WDFY2: variants seen among roughly 807,000 people sequenced by gnomAD.
WDFY2 encodes the protein WD repeat and FYVE domain-containing protein 2.
WDFY2 carries 36 observed loss-of-function variants against 56.4 expected under a neutral mutation model. The ratio of observed to expected loss-of-function variants is 0.64; its 90% CI spans 0.49 to 0.84. WDFY2 has a LOEUF of 0.84. Among genes scored for constraint, WDFY2 ranks in the 40% least tolerant of loss-of-function variants. The probability of loss-of-function intolerance (pLI) is 0.00; values close to 1 mark genes in which losing one functional copy is unlikely to be tolerated. For missense variants in WDFY2, 444 were observed against 512.2 expected, an observed-to-expected ratio of 0.87 and a Z score of 1.29; for synonymous variants, 176 against 183.7, an observed-to-expected ratio of 0.96 and a Z score of 0.34.
intron 7 of WDFY2, among the ~76,000 whole-genome samples, chr13:51,740,676 T>C (rs1241521883): frequency 2.1e-5 from 3 of 143,584 alleles, no homozygotes; most frequent in African/African-American, 7.8e-5. Context: ...ATCACACCAT[T>C]GCACTCCAGC....
intron 2 of WDFY2, among the ~76,000 whole-genome samples, chr13:51,667,126 A>G (rs775422417): frequency 1.3e-5 from 2 of 152,244 alleles, no homozygotes; most frequent in African/African-American, 2.4e-5. Context: ...AGATATACCA[A>G]ATAACTATTT....
chr13:51,740,054 C>T (rs973718596), intron 7 of WDFY2, among the ~76,000 whole-genome samples: 1 of 152,256 alleles, frequency 6.6e-6, no homozygotes, highest in East Asian at 1.9e-4. Flanking sequence ...ATGAACTAAC[C>T]GGTTTTAAGC....
At chr13:51,756,499 G>A in intron 10 of WDFY2, 37 bp downstream of exon 10, 1 of 1,595,398 alleles carries the variant, frequency 6.3e-7, no homozygotes, top group Non-Finnish European at 8.5e-7. Flanking sequence ...TTCAGGTTAA[G>A]GCGAGAATTT....
chr13:51,739,111 C>G lies in WDFY2; in HGVS notation c.661C>G (p.His221Asp). ...QRVLFSGSSDHSVIMWDIGGR... is the reference protein window; with the variant it reads ...QRVLFSGSSDDSVIMWDIGGR... ...GGTGTTGTTCTCAGGCAGTTCAGAT[C>G]ACTCTGTCATCATGTGGGACATCGG... Residue 221 changes from histidine (H) to aspartate (D), a missense_variant, in exon 7 of 12, where the codon CAC (histidine) becomes GAC (aspartate). Coordinates refer to ENST00000298125, the MANE Select transcript of WDFY2 (RefSeq NM_052950.4). The G allele has an allele frequency of 6.2e-7, 1 of 1,602,394 alleles. No individual in the cohort carries two copies. The highest frequency in any genetic ancestry group is 8.5e-7 in the Non-Finnish European group (1 of 1,174,698).
chr13:51,732,557 TAATG>T (rs1335381909), intron 6 of WDFY2, among the ~76,000 whole-genome samples: 6 of 152,234 alleles, frequency 3.9e-5, no homozygotes, highest in African/African-American at 1.4e-4. Context: ...GCATACTAAT[TAATG>T]AATAATTAAA....
chr13:51,751,936 A>G (rs910632491), intron 8 of WDFY2, among the ~76,000 whole-genome samples: 2 of 152,160 alleles, frequency 1.3e-5, no homozygotes, highest in Non-Finnish European at 2.9e-5. Flanking sequence ...ATTCTTTTTT[A>G]TGAGCTTTCA....
chr13:51,681,701 A>C (rs540260572), intron 3 of WDFY2, among the ~76,000 whole-genome samples: 1 of 152,178 alleles, frequency 6.6e-6, no homozygotes, highest in Admixed American at 6.5e-5. Context: ...ATGAAAATAT[A>C]TGCATATTTT....
rs373512439 is a variant in WDFY2 at position 51,636,888 on chromosome 13, CAT to C, written c.138-23707_138-23706del. 4.0e-3 allele frequency among the ~76,000 whole-genome samples: 612 copies of C among 152,288 alleles called. 3 individuals carry two copies. The highest frequency in any genetic ancestry group is 6.0e-3 in the Non-Finnish European group (409 of 67,996). ...TGGTGCTGGAACAATTGGGTACACA[CAT>C]GTGAAAAAATGATCTTCGATCCATA... On this transcript the variant is annotated intron_variant, in intron 1 of 11. Transcript: ENST00000298125.
chr13:51,634,488 T>C (rs1955009247), intron 1 of WDFY2, among the ~76,000 whole-genome samples: 1 of 152,206 alleles, frequency 6.6e-6, no homozygotes, highest in Admixed American at 6.5e-5. Flanking sequence ...TAAGCTTTTG[T>C]AAATTTATAA....
At position 51,601,321 on chromosome 13, in the gene WDFY2, T is replaced by A. The variant is rs9568641; in HGVS notation, c.137+16497T>A. ...AATAGTAATTAATACTAGGTTACTC[T>A]TTCTGAATATGTACCATCGGCCAGA... On this transcript the variant is annotated intron_variant, in intron 1 of 11. Coordinates refer to ENST00000298125, the MANE Select transcript of WDFY2 (RefSeq NM_052950.4). Among the ~76,000 whole-genome samples the A allele has an allele frequency of 4.6e-3, 705 of 152,306 alleles. 4 individuals are homozygous for A. Among genetic ancestry groups the A allele is most frequent in the Admixed American group, 0.018 (279 of 15,302 alleles).
At chr13:51,670,488 T>TGCAC (rs1955786895) in intron 2 of WDFY2, among the ~76,000 whole-genome samples, 1 of 92,022 alleles carries the variant, frequency 1.1e-5, no homozygotes, top group Non-Finnish European at 2.3e-5. Context: ...TGTGCGCACA[T>TGCAC]GCACACACAC....
At chr13:51,718,038 G>A (rs955325162) in intron 4 of WDFY2, among the ~76,000 whole-genome samples, 1 of 152,154 alleles carries the variant, frequency 6.6e-6, no homozygotes, top group African/African-American at 2.4e-5. Context: ...TAAGTGCCTG[G>A]CACTTGTAAG....
intron 3 of WDFY2, among the ~76,000 whole-genome samples, chr13:51,683,226 G>C (rs1320741071): frequency 6.6e-6 from 1 of 152,158 alleles, no homozygotes; most frequent in Non-Finnish European, 1.5e-5. Context: ...GGGTTAAATT[G>C]CTTTCTATTG....
chr13:51,677,517 TTC>T (rs765431475), intron 3 of WDFY2, among the ~76,000 whole-genome samples: 16 of 152,234 alleles, frequency 1.1e-4, no homozygotes, highest in Non-Finnish European at 2.4e-4. Context: ...AGACTATATA[TTC>T]TGTTTCCTGG....
At chr13:51,650,997 T>C (rs1287229988) in intron 1 of WDFY2, among the ~76,000 whole-genome samples, 2 of 152,230 alleles carry the variant, frequency 1.3e-5, no homozygotes, top group Non-Finnish European at 2.9e-5. Flanking sequence ...TGGCACCAGC[T>C]CCTCCTTGTA....
chr13:51,752,951 C>G (rs959178355), intron 8 of WDFY2: 1 of 152,188 alleles, frequency 6.6e-6, no homozygotes, highest in African/African-American at 2.4e-5. Flanking sequence ...CATCTCTAAC[C>G]TGAAGTACTG....
intron 6 of WDFY2, among the ~76,000 whole-genome samples, chr13:51,730,830 G>A (rs2138664097): frequency 6.6e-6 from 1 of 152,266 alleles, no homozygotes; most frequent in South Asian, 2.1e-4. Flanking sequence ...CTAGAGAACT[G>A]CCAGTCACTC....
intron 1 of WDFY2, among the ~76,000 whole-genome samples, chr13:51,627,166 G>A (rs1313578316): frequency 6.6e-6 from 1 of 152,232 alleles, no homozygotes; most frequent in Non-Finnish European, 1.5e-5. Context: ...GAAGCTTGGA[G>A]ACACCAGGAA....
chr13:51,606,021 A>G (rs1447786677), intron 1 of WDFY2, among the ~76,000 whole-genome samples: 2 of 152,210 alleles, frequency 1.3e-5, no homozygotes, highest in East Asian at 1.9e-4. Context: ...GGCAAAAGGC[A>G]GTGTTGGATG....
Sources: allele counts gnomAD v4.1 joint callset (sites outside exome capture counted in the v4.1 genomes callset), GRCh38; gene constraint gnomAD v4.1.1; transcripts MANE v1.5; gene names NCBI Gene and HGNC (gene_info 2026-07-23, HGNC 2026-07-21).